The following GPC6 variants were observed in gnomAD, a reference collection of about 807,000 sequenced individuals.
GPC6 encodes glypican-6.
Under a neutral mutation model 55.2 loss-of-function variants are expected in GPC6, and 14 were observed. The observed-to-expected ratio is 0.25, with a 90% CI of 0.17 to 0.40. The LOEUF is 0.40. GPC6 is among the 10% of genes least tolerant of loss of function. The pLI, the probability that GPC6 is intolerant of heterozygous loss-of-function variation, is 1.00. For synonymous variants in GPC6, 278 were observed against 259.6 expected (o/e 1.07, Z -0.68); for missense variants, 641 against 708.5 (o/e 0.90, Z 1.08).
chr13:93,325,350 G>A (rs967555969), intron 1 of GPC6, among the ~76,000 whole-genome samples: 3 of 152,194 alleles, frequency 2.0e-5, no homozygotes, highest in South Asian at 4.2e-4. Flanking sequence ...CTTTTGTGAA[G>A]GGTACATGCA....
chr13:93,437,569 T>A (rs1159434864), intron 1 of GPC6, among the ~76,000 whole-genome samples: 1 of 152,194 alleles, frequency 6.6e-6, no homozygotes, highest in South Asian at 2.1e-4. Context: ...CAGTCAAATC[T>A]TAATCCACAG....
intron 3 of GPC6, among the ~76,000 whole-genome samples, chr13:93,850,034 A>G (rs1020504094): frequency 1.1e-4 from 16 of 152,104 alleles, no homozygotes; most frequent in African/African-American, 3.9e-4. Flanking sequence ...ATTCATGCCC[A>G]TGAGTAAAAA....
chr13:93,880,474 C>G lies in GPC6; in HGVS notation c.711+49929C>G, dbSNP rs556390730. Among the ~76,000 whole-genome samples, 27 of 152,062 alleles carry G rather than the reference C, an allele frequency of 1.8e-4. 1 individual carries two copies. In the South Asian group the frequency reaches 5.6e-3, roughly 32 times the overall value. ...GCAAACTATCGCAAGAACAAAAAAC[C>G]AAACACCGCATATTCTCACTCATAG... On this transcript the variant is annotated intron_variant, in intron 3 of 8. Transcript: ENST00000377047.
chr13:94,087,725 G>A (rs367732865), intron 4 of GPC6, among the ~76,000 whole-genome samples: 1 of 152,166 alleles, frequency 6.6e-6, no homozygotes, highest in African/African-American at 2.4e-5. Context: ...CCCTTCAATG[G>A]GGAAAAGTGA....
chr13:94,072,831 G>T (rs956596900), intron 4 of GPC6, among the ~76,000 whole-genome samples: 1 of 152,184 alleles, frequency 6.6e-6, no homozygotes, highest in Non-Finnish European at 1.5e-5. Context: ...GGGTCCATAG[G>T]ATGTTGTCTA....
chr13:94,378,931 T>C (rs1469143186), intron 6 of GPC6, among the ~76,000 whole-genome samples: 1 of 152,138 alleles, frequency 6.6e-6, no homozygotes, highest in African/African-American at 2.4e-5. Flanking sequence ...AAGTCCTTGT[T>C]CCCATCTGGT....
intron 1 of GPC6, among the ~76,000 whole-genome samples, chr13:93,364,048 T>C (rs1212545059): frequency 6.6e-6 from 1 of 152,196 alleles, no homozygotes; most frequent in African/African-American, 2.4e-5. Flanking sequence ...CTTTGTCAGA[T>C]GAGTAGGTTG....
At chr13:93,352,546 A>G (rs896985938) in intron 1 of GPC6, among the ~76,000 whole-genome samples, 2 of 152,118 alleles carry the variant, frequency 1.3e-5, no homozygotes, top group African/African-American at 4.8e-5. Context: ...GATGATGCGG[A>G]TGTCTGGGGA....
chr13:93,769,916 T>A (rs1885238070), intron 2 of GPC6, among the ~76,000 whole-genome samples: 1 of 152,204 alleles, frequency 6.6e-6, no homozygotes. Flanking sequence ...GGGGCTTAAA[T>A]CTCTGTATTT....
chr13:93,309,982 A>G (rs1203393096), intron 1 of GPC6, among the ~76,000 whole-genome samples: 1 of 152,198 alleles, frequency 6.6e-6, no homozygotes, highest in Non-Finnish European at 1.5e-5. Flanking sequence ...TTTTGTAAGA[A>G]GGGTTGTTTG....
At chr13:93,802,567 GTGTT>G (rs1886409304) in intron 2 of GPC6, among the ~76,000 whole-genome samples, 2 of 152,034 alleles carry the variant, frequency 1.3e-5, no homozygotes, top group South Asian at 2.1e-4. Flanking sequence ...CCTGGCTAAG[GTGTT>G]TGTTTGTTTT....
intron 2 of GPC6, among the ~76,000 whole-genome samples, chr13:93,684,347 G>A (rs546759522): frequency 2.9e-4 from 44 of 151,936 alleles, no homozygotes; most frequent in Non-Finnish European, 5.3e-4. Context: ...CACTACGCCC[G>A]GCTAATTTTT....
chr13:93,312,342 T>C (rs182085727), intron 1 of GPC6, among the ~76,000 whole-genome samples: 1 of 152,306 alleles, frequency 6.6e-6, no homozygotes, highest in Non-Finnish European at 1.5e-5. Context: ...TAAAGGGCCT[T>C]ATTCCCAAGT....
At chr13:93,837,539 G>T (rs1216842913) in intron 3 of GPC6, among the ~76,000 whole-genome samples, 3 of 152,140 alleles carry the variant, frequency 2.0e-5, no homozygotes, top group Non-Finnish European at 4.4e-5. Flanking sequence ...TTTGTTCTTT[G>T]TATTTTGTAT....
intron 4 of GPC6, among the ~76,000 whole-genome samples, chr13:94,222,116 C>G (rs1475893970): frequency 2.0e-5 from 3 of 151,866 alleles, no homozygotes; most frequent in Non-Finnish European, 4.4e-5. Context: ...TAATTCTCAT[C>G]CATTACCATT....
intron 6 of GPC6, among the ~76,000 whole-genome samples, chr13:94,350,625 T>C (rs1202041814): frequency 1.3e-5 from 2 of 152,146 alleles, no homozygotes; most frequent in Non-Finnish European, 2.9e-5. Context: ...ACATGAGATA[T>C]GAATATATAT....
At chr13:93,353,059 C>T (rs2139166458) in intron 1 of GPC6, among the ~76,000 whole-genome samples, 1 of 152,166 alleles carries the variant, frequency 6.6e-6, no homozygotes, top group East Asian at 1.9e-4. Context: ...TGGGATATTG[C>T]ATGTACTTCT....
chr13:94,255,592 G>A (rs1594102686), intron 4 of GPC6, among the ~76,000 whole-genome samples: 1 of 151,888 alleles, frequency 6.6e-6, no homozygotes, highest in African/African-American at 2.4e-5. Flanking sequence ...TCTATCTAAG[G>A]GACATGATCC....
chr13:93,246,736 G>A (rs2139022582), intron 1 of GPC6, among the ~76,000 whole-genome samples: 1 of 134,770 alleles, frequency 7.4e-6, no homozygotes, highest in African/African-American at 2.8e-5. Flanking sequence ...AGCTTGCAGT[G>A]AGCCGAGATT....
Sources: allele counts gnomAD v4.1 joint callset (sites outside exome capture counted in the v4.1 genomes callset), GRCh38; gene constraint gnomAD v4.1.1; transcripts MANE v1.5; gene names NCBI Gene and HGNC (gene_info 2026-07-23, HGNC 2026-07-21).